SLC30A7: variants seen among roughly 807,000 people sequenced by gnomAD.
SLC30A7 encodes zinc transporter 7.
A neutral mutation model predicts 46.0 loss-of-function variants in SLC30A7; 35 were observed. The observed-to-expected ratio is 0.76, with a 90% CI of 0.58 to 1.01. The LOEUF (loss-of-function observed/expected upper bound fraction) is 1.01. Ranked by LOEUF, SLC30A7 falls within the 50% of genes least tolerant of loss-of-function variation. SLC30A7 has a pLI of 0.00. For missense variants in SLC30A7, 464 were observed against 451.1 expected (o/e 1.03, Z -0.26); for synonymous variants, 147 against 157.8 (o/e 0.93, Z 0.51).
chr1:100,931,051 G>A lies in SLC30A7; in HGVS notation c.842+9210G>A, dbSNP rs1653634902. 3.3e-5 allele frequency among the ~76,000 whole-genome samples: 5 copies of A among 152,108 alleles called. No individual in the cohort carries two copies. The South Asian group carries it at 1.0e-3, about 31-fold the overall frequency. ...ATCATTTTCTGTGTTCATTGGTTCA[G>A]ATGAGGAACCCTAGTTAAAGGCTGG... On this transcript the variant is annotated intron_variant, in intron 8 of 10. Coordinates refer to ENST00000357650, the MANE Select transcript of SLC30A7 (RefSeq NM_133496.5).
At position 100,896,109 on chromosome 1, in the gene SLC30A7, G is replaced by C; in HGVS notation, c.-154G>C. On this transcript the variant is annotated 5_prime_UTR_variant, in exon 1 of 11. Coordinates refer to ENST00000357650, the MANE Select transcript of SLC30A7 (RefSeq NM_133496.5). ...CGGGCCGGAAGTAAGCGAATTCCCG[G>C]GTGTGTGTCTGTGTCTGTCTGTGTC... 5 of 667,050 alleles carry C rather than the reference G, an allele frequency of 7.5e-6. No homozygotes were observed. The highest frequency in any genetic ancestry group is 1.3e-5 in the Non-Finnish European group (5 of 373,416). The allele number at this position is 667,050 out of a possible 1,614,324, so 41.3% of individuals were successfully genotyped here. A position where few individuals can be genotyped will look rare whatever the true frequency, so the allele number is the denominator to read the frequency against.
chr1:100,979,436 C>CAAAAA lies in SLC30A7; in HGVS notation c.*4597_*4601dup, dbSNP rs67182429. 302 of 89,840 alleles carry CAAAAA rather than the reference C, an allele frequency of 3.4e-3. No homozygotes were observed. The highest frequency in any genetic ancestry group is 6.1e-3 in the East Asian group (16 of 2,640). The allele number at this position is 89,840 out of a possible 1,614,324, so 5.6% of individuals were successfully genotyped here. ...CAAATACAGTGAAAGATTATGTATC[C>CAAAAA]AAAAAAAAAAAAAAAAAAAAAAGAA... On this transcript the variant is annotated 3_prime_UTR_variant, in exon 11 of 11. Transcript: ENST00000357650.
chr1:100,966,039 T>TG, intron 10 of SLC30A7, 121 bp downstream of exon 10: 1 of 841,148 alleles, frequency 1.2e-6, no homozygotes, highest in South Asian at 1.8e-5. Flanking sequence ...TAGATCAGTG[T>TG]GGGCAACATA....
At chr1:100,937,850 A>G (rs1654066503) in intron 8 of SLC30A7, among the ~76,000 whole-genome samples, 3 of 151,992 alleles carry the variant, frequency 2.0e-5, no homozygotes, top group Non-Finnish European at 2.9e-5. Context: ...GCTTTCTCCT[A>G]TGTTTTCTTC....
chr1:100,936,824 C>T (rs1448717651), intron 8 of SLC30A7, among the ~76,000 whole-genome samples: 1 of 152,080 alleles, frequency 6.6e-6, no homozygotes, highest in African/African-American at 2.4e-5. Flanking sequence ...ATAAGTGGTA[C>T]CTTATAAAAG....
chr1:100,921,572 A>C, intron 7 of SLC30A7, 134 bp from the exon 8 acceptor site: 1 of 613,864 alleles, frequency 1.6e-6, no homozygotes, highest in South Asian at 2.6e-5. Context: ...TAAATGGTGA[A>C]TATACATGCT....
intron 8 of SLC30A7, among the ~76,000 whole-genome samples, chr1:100,958,425 C>G (rs1655353539): frequency 1.3e-5 from 2 of 152,226 alleles, no homozygotes; most frequent in Non-Finnish European, 1.5e-5. Flanking sequence ...ATCCACCCGC[C>G]TTGGCCTCCC....
chr1:100,912,857 G>T (rs987620887), intron 5 of SLC30A7, among the ~76,000 whole-genome samples: 26 of 151,058 alleles, frequency 1.7e-4, no homozygotes, highest in Non-Finnish European at 1.5e-4. Context: ...CAACCTGGGT[G>T]ACAGAGCAAG....
At chr1:100,910,709 C>T (rs937921505) in intron 3 of SLC30A7, among the ~76,000 whole-genome samples, 12 of 152,008 alleles carry the variant, frequency 7.9e-5, no homozygotes, top group Admixed American at 1.3e-4. Context: ...ACTTTTTAGC[C>T]GTTAATCCTT....
At chr1:100,898,854 G>T (rs554466037) in intron 2 of SLC30A7, among the ~76,000 whole-genome samples, 1 of 152,102 alleles carries the variant, frequency 6.6e-6, no homozygotes, top group African/African-American at 2.4e-5. Context: ...ATTCCTTGTT[G>T]AATTTCATTC....
chr1:100,974,853 T>C lies in SLC30A7; in HGVS notation c.1127T>C (p.Met376Thr), dbSNP rs778612070. 1.9e-6 allele frequency: 3 copies of C among 1,599,132 alleles called. No homozygotes were observed. The highest frequency in any genetic ancestry group is 1.3e-5 in the African/African-American group (1 of 74,722). Residue 376 changes from methionine (M) to threonine (T), a missense_variant, in exon 11 of 11, where the codon ATG (methionine) becomes ACG (threonine). Coordinates refer to ENST00000357650, the MANE Select transcript of SLC30A7 (RefSeq NM_133496.5). The stretch of plus-strand genomic sequence containing the variant: ...TACGTACAGATTGACTTTGCAGCCA[T>C]GTAGTGAATGGAAAGAAATTATGCA... ...QLYVQIDFAA[M>T]
the SLC30A7 span, among the ~76,000 whole-genome samples, chr1:100,993,603 T>TATATATATATATC: frequency 7.6e-6 from 1 of 132,130 alleles, no homozygotes; most frequent in African/African-American, 2.8e-5. Context: ...TATATAGCTA[T>TATATATATATATC]TGTGGCTTAC....
Position 100,912,114 on chromosome 1 carries a change from A to C in SLC30A7, c.387A>C (p.Arg129Ser). 6.2e-7 allele frequency: 1 copy of C among 1,612,622 alleles called. No homozygotes were observed. Among genetic ancestry groups the C allele is most frequent in the Non-Finnish European group, 8.5e-7 (1 of 1,179,182 alleles). The change falls in exon 5 of 11, where the codon AGA (arginine) becomes AGC (serine). Residue 129 changes from arginine to serine, a missense_variant and splice_region_variant. By Grantham distance (110) the Arg-to-Ser change is moderately radical. Coordinates refer to ENST00000357650, the MANE Select transcript of SLC30A7 (RefSeq NM_133496.5). ...AFFIFSEGVE[R>S]ALAPPDVHHE... ...TGTTTGTATTATGTGTTTTCTAGAG[A>C]GCATTAGCCCCTCCAGATGTCCACC... is the stretch of plus-strand genomic sequence containing the variant.
chr1:100,983,030 T>C (rs113936684), downstream of SLC30A7, among the ~76,000 whole-genome samples: 971 of 152,296 alleles, frequency 6.4e-3, 16 homozygotes, highest in African/African-American at 0.02. Context: ...AGCCACCCCA[T>C]GTTAAACTGG....
At chr1:100,993,559 A>AATATAAATATATATATATATATATATAT in the SLC30A7 span, among the ~76,000 whole-genome samples, 1 of 56,544 alleles carries the variant, frequency 1.8e-5, no homozygotes, top group African/African-American at 6.3e-5. Flanking sequence ...CGAAAATATA[A>AATATAAATATATATATATATATATATAT]ATATATATAT....
chr1:100,964,544 A>G (rs531402844), intron 9 of SLC30A7, among the ~76,000 whole-genome samples: 49 of 151,856 alleles, frequency 3.2e-4, no homozygotes, highest in Non-Finnish European at 5.9e-4. Flanking sequence ...AATCCACGTC[A>G]CTCTGACTCT....
the SLC30A7 span, among the ~76,000 whole-genome samples, chr1:100,993,716 T>C: frequency 3.3e-5 from 5 of 150,782 alleles, no homozygotes; most frequent in African/African-American, 9.8e-5. Context: ...AGTTTTCTAG[T>C]AGCCATATTA....
Position 100,902,034 on chromosome 1 carries a change from T to C in SLC30A7, c.183-4818T>C, listed in dbSNP as rs370149940. Among the ~76,000 whole-genome samples, 12 of 152,204 alleles carry C rather than the reference T, an allele frequency of 7.9e-5. No homozygotes were observed. In the South Asian group the frequency reaches 1.2e-3, roughly 16 times the overall value. ...CTAAGATTGAATATGAGCAGTAAAA[T>C]TGACCTTCCTCATAAGCAATATTTT... On this transcript the variant is annotated intron_variant, in intron 2 of 10. Transcript: ENST00000357650.
At chr1:100,903,989 A>C (rs569500941) in intron 2 of SLC30A7, among the ~76,000 whole-genome samples, 1 of 152,310 alleles carries the variant, frequency 6.6e-6, no homozygotes, top group South Asian at 2.1e-4. Flanking sequence ...ATAATTAGCA[A>C]TAGGAATATT....
Sources: allele counts gnomAD v4.1 joint callset (sites outside exome capture counted in the v4.1 genomes callset), GRCh38; gene constraint gnomAD v4.1.1; transcripts MANE v1.5; gene names NCBI Gene and HGNC (gene_info 2026-07-23, HGNC 2026-07-21).